Variants in PPP2R5C observed in about 807,000 individuals in gnomAD.
PPP2R5C encodes serine/threonine-protein phosphatase 2A 56 kDa regulatory subunit gamma isoform.
PPP2R5C carries 7 observed loss-of-function variants against 68.9 expected under a neutral mutation model. The ratio of observed to expected loss-of-function variants is 0.10; its 90% confidence interval spans 0.06 to 0.19. The LOEUF (loss-of-function observed/expected upper bound fraction) is 0.19. PPP2R5C is among the 10% of genes least tolerant of loss of function. PPP2R5C has a pLI of 1.00. For synonymous variants in PPP2R5C, 210 were observed against 222.2 expected (o/e 0.95, Z 0.49); for missense variants, 348 against 641.3 (o/e 0.54, Z 4.94).
intron 1 of PPP2R5C, among the ~76,000 whole-genome samples, chr14:101,815,807 T>C (rs928468464): frequency 3.3e-5 from 5 of 152,120 alleles, no homozygotes; most frequent in African/African-American, 4.8e-5. Context: ...GTAGCTGGGA[T>C]TACAGGTGCA....
At chr14:101,789,502 G>C (rs2038266075) in intron 3 of PPP2R5C, among the ~76,000 whole-genome samples, 1 of 152,180 alleles carries the variant, frequency 6.6e-6, no homozygotes, top group Non-Finnish European at 1.5e-5. Flanking sequence ...TATTATAATT[G>C]CTGTGTTGAC....
At chr14:101,841,647 C>A (rs1269165313) in intron 1 of PPP2R5C, among the ~76,000 whole-genome samples, 1 of 152,184 alleles carries the variant, frequency 6.6e-6, no homozygotes, top group African/African-American at 2.4e-5. Context: ...TGTTGGTGTT[C>A]TTTTTGAAAC....
At chr14:101,909,483 C>T in intron 10 of PPP2R5C, 106 bp from the exon 13 acceptor site, 1 of 659,864 alleles carries the variant, frequency 1.5e-6, no homozygotes, top group Non-Finnish European at 2.7e-6. Context: ...CCTTAGGGAT[C>T]CTGTGCGATG....
chr14:101,838,175 T>C (rs2041237760), intron 1 of PPP2R5C, among the ~76,000 whole-genome samples: 1 of 152,116 alleles, frequency 6.6e-6, no homozygotes, highest in East Asian at 1.9e-4. Context: ...AAAGAGAGAA[T>C]GAAACCAAAG....
rs144427537 is a variant in PPP2R5C, at chr14:101,888,248, A to G, written c.630-1989A>G. Among the ~76,000 whole-genome samples the G allele has an allele frequency of 9.0e-3, 1,370 of 152,080 alleles. 17 individuals are homozygous for G. The highest frequency in any genetic ancestry group is 0.031 in the African/African-American group (1,281 of 41,472). ...GAGAGGAATAGTAAACTGAAGCCACACGGCTGCCGTGTATGCAAAGGGAGC... is the reference window on the plus strand; with the variant it reads ...GAGAGGAATAGTAAACTGAAGCCACGCGGCTGCCGTGTATGCAAAGGGAGC... On this transcript the variant is annotated intron_variant, in intron 5 of 13. Coordinates refer to ENST00000334743, the Ensembl canonical transcript of PPP2R5C. The surrounding 1 kb of genome is among the most constrained non-coding windows in gnomAD (Gnocchi z 5.6).
chr14:101,924,607 T>A (rs1247997687), intron 13 of PPP2R5C, among the ~76,000 whole-genome samples: 1 of 151,736 alleles, frequency 6.6e-6, no homozygotes, highest in Non-Finnish European at 1.5e-5. Flanking sequence ...TACACCCATC[T>A]GATTTTTGTA....
chr14:101,821,461 G>A (rs902564599), intron 1 of PPP2R5C, among the ~76,000 whole-genome samples: 6 of 150,362 alleles, frequency 4.0e-5, no homozygotes, highest in African/African-American at 1.5e-4. Context: ...GGGTGTGTGT[G>A]TGTGTGTGTG....
At chr14:101,887,767 T>C (rs1417511743) in intron 5 of PPP2R5C, among the ~76,000 whole-genome samples, 1 of 151,976 alleles carries the variant, frequency 6.6e-6, no homozygotes, top group Non-Finnish European at 1.5e-5. Context: ...GAAGGAGAAA[T>C]AGAGTCCACC....
intron 6 of PPP2R5C, among the ~76,000 whole-genome samples, chr14:101,892,773 C>T (rs897775128): frequency 6.6e-6 from 1 of 152,064 alleles, no homozygotes; most frequent in African/African-American, 2.4e-5. Context: ...AGTGGCTCTT[C>T]ACAGGTGTGA....
intron 2 of PPP2R5C, among the ~76,000 whole-genome samples, chr14:101,779,331 C>T (rs1260658186): frequency 6.6e-6 from 1 of 152,090 alleles, no homozygotes; most frequent in Non-Finnish European, 1.5e-5. Flanking sequence ...CATGGGATTC[C>T]AAGCCTGATG....
intron 1 of PPP2R5C, among the ~76,000 whole-genome samples, chr14:101,816,870 T>A (rs1566864050): frequency 1.4e-5 from 2 of 139,152 alleles, no homozygotes; most frequent in South Asian, 2.1e-4. Flanking sequence ...ATATATTTAT[T>A]TATATATATA....
At chr14:101,889,569 G>A (rs2044726931) in intron 5 of PPP2R5C, among the ~76,000 whole-genome samples, 1 of 152,210 alleles carries the variant, frequency 6.6e-6, no homozygotes, top group African/African-American at 2.4e-5. Flanking sequence ...AGACAGGCTG[G>A]CACAGAGGGT....
chr14:101,829,807 C>CCTTCAAATTGAGTGT (rs1211026194), intron 1 of PPP2R5C, among the ~76,000 whole-genome samples: 1 of 152,168 alleles, frequency 6.6e-6, no homozygotes, highest in Non-Finnish European at 1.5e-5. Context: ...TTACGCAGTG[C>CCTTCAAATTGAGTGT]CTTCAAATTG....
chr14:101,842,656 A>T (rs1236892896), intron 1 of PPP2R5C, among the ~76,000 whole-genome samples: 1 of 152,052 alleles, frequency 6.6e-6, no homozygotes, highest in East Asian at 1.9e-4. Context: ...AGGTGTGGTC[A>T]GTCCCCTGAG....
chr14:101,866,786 T>A lies in PPP2R5C; in HGVS notation c.294+9901T>A, dbSNP rs78367601. On this transcript the variant is annotated intron_variant, in intron 2 of 13. Transcript: ENST00000334743. ...TTTTACTATACACTTTTGTAATTTT[T>A]AAAAAAATTCAGAATGGGCCAGGCA... Among the ~76,000 whole-genome samples the A allele has an allele frequency of 1.7e-4, 26 of 152,324 alleles. 1 individual carries two copies. The East Asian group carries it at 4.6e-3, about 27-fold the overall frequency.
intron 1 of PPP2R5C, among the ~76,000 whole-genome samples, chr14:101,829,714 A>G (rs1191840622): frequency 1.3e-5 from 2 of 152,090 alleles, no homozygotes; most frequent in African/African-American, 4.8e-5. Flanking sequence ...ATGGACCCTG[A>G]TTACAGCGGG....
chr14:101,861,484 G>A (rs1462332594), intron 2 of PPP2R5C, among the ~76,000 whole-genome samples: 3 of 152,132 alleles, frequency 2.0e-5, no homozygotes, highest in African/African-American at 7.2e-5. Flanking sequence ...ACAACATTGC[G>A]CACCTTAGCA....
chr14:101,829,151 G>C lies in PPP2R5C; in HGVS notation c.94+19115G>C, dbSNP rs533000496. On this transcript the variant is annotated intron_variant, in intron 1 of 13. Coordinates refer to ENST00000334743, the Ensembl canonical transcript of PPP2R5C. The stretch of plus-strand genomic sequence containing the variant: ...GGAACTCTGGTCAACACAGGCTGAA[G>C]TTAGTGGGGTTCTCTCTGTGGGGTT... Among the ~76,000 whole-genome samples, 174 of 152,236 alleles carry C rather than the reference G, an allele frequency of 1.1e-3. 1 individual carries two copies. Among genetic ancestry groups the C allele is most frequent in the African/African-American group, 4.0e-3 (167 of 41,538 alleles).
chr14:101,817,953 C>T (rs1429884354), intron 1 of PPP2R5C: 1 of 152,208 alleles, frequency 6.6e-6, no homozygotes, highest in Non-Finnish European at 1.5e-5. Context: ...AATCTGTTTT[C>T]TTTTTCTCCA....
Sources: gnomAD v4.1 joint callset for allele counts (sites outside exome capture counted in the v4.1 genomes callset) on GRCh38, gnomAD v4.1.1 for gene constraint, Gnocchi (gnomAD v3.1) non-coding constraint, MANE v1.5 for transcripts, NCBI Gene and HGNC (gene_info 2026-07-23, HGNC 2026-07-21) for gene names.